Variants in KATNAL2 observed in about 807,000 individuals in gnomAD.
KATNAL2 encodes the protein katanin catalytic subunit A1 like 2.
KATNAL2 carries 52 observed loss-of-function variants against 76.3 expected under a neutral mutation model. That is an observed-to-expected ratio of 0.68 (90% confidence interval 0.55 to 0.86). KATNAL2 has a LOEUF of 0.86. Among genes scored for constraint, KATNAL2 ranks in the 40% least tolerant of loss-of-function variants. The pLI is 0.00. For missense variants in KATNAL2, 660 were observed against 668.9 expected (o/e 0.99, Z 0.15); for synonymous variants, 243 against 244.2 (o/e 1.00, Z 0.05).
intron 3 of KATNAL2, among the ~76,000 whole-genome samples, chr18:47,041,223 A>G (rs2060951410): frequency 6.6e-6 from 1 of 152,108 alleles, no homozygotes; most frequent in Non-Finnish European, 1.5e-5. Flanking sequence ...ACCAAAGTCC[A>G]TTTTACATGA....
chr18:47,063,238 T>C, intron 9 of KATNAL2, 46 bp from the exon 10 acceptor site: 4 of 1,589,568 alleles, frequency 2.5e-6, no homozygotes, highest in Non-Finnish European at 3.4e-6. Context: ...TCTTCCTAAA[T>C]TATGAAGCAA....
intron 1 of KATNAL2, chr18:46,919,946 T>G (rs559562210): frequency 1.6e-6 from 1 of 615,382 alleles, no homozygotes; most frequent in Non-Finnish European, 2.6e-6. Flanking sequence ...TTTCGGGGAA[T>G]AGACGAATAG....
intron 3 of KATNAL2, among the ~76,000 whole-genome samples, chr18:46,949,555 A>G (rs1299464444): frequency 6.6e-6 from 1 of 152,196 alleles, no homozygotes; most frequent in Non-Finnish European, 1.5e-5. Flanking sequence ...CTTAATGCTT[A>G]ACTTTTGAAT....
chr18:47,043,611 G>A (rs959607232), intron 3 of KATNAL2, among the ~76,000 whole-genome samples: 2 of 152,172 alleles, frequency 1.3e-5, no homozygotes, highest in Admixed American at 6.5e-5. Context: ...CCCAGAAAAA[G>A]CATCTATTGC....
chr18:46,941,455 A>G (rs925295993), intron 1 of KATNAL2, among the ~76,000 whole-genome samples: 5 of 151,978 alleles, frequency 3.3e-5, no homozygotes, highest in African/African-American at 9.7e-5. Context: ...ATTGGATTAT[A>G]TTTTTTCAAT....
intron 3 of KATNAL2, among the ~76,000 whole-genome samples, chr18:46,948,547 C>A (rs765811242): frequency 2.7e-4 from 41 of 151,454 alleles, no homozygotes; most frequent in Non-Finnish European, 5.3e-4. Context: ...GCCTCAGCCT[C>A]CCGAGTACCT....
intron 3 of KATNAL2, chr18:47,033,219 G>A (rs145674705): frequency 1.2e-6 from 2 of 1,613,948 alleles, no homozygotes; most frequent in South Asian, 1.1e-5. Context: ...AGGGAGTGTG[G>A]CTGCTTCCCG....
chr18:46,920,256 C>A, intron 1 of KATNAL2: 1 of 412,364 alleles, frequency 2.4e-6, no homozygotes. Flanking sequence ...CTGATTAGTA[C>A]TGAGCATTTA....
At chr18:46,947,029 T>C (rs1386869030) in intron 3 of KATNAL2, 106 bp downstream of exon 3, 2 of 833,410 alleles carry the variant, frequency 2.4e-6, no homozygotes, top group Non-Finnish European at 3.9e-6. Context: ...AGTCCGCTAC[T>C]AGAGAAGCGC....
chr18:46,932,912 G>A lies in KATNAL2; in HGVS notation c.-509-13145G>A, dbSNP rs548213211. Among the ~76,000 whole-genome samples the A allele has an allele frequency of 5.3e-5, 8 of 151,580 alleles. No homozygotes were observed. The East Asian group carries it at 1.6e-3, about 30-fold the overall frequency. ...CCTTAGTAACTGGGATTACAGGCGC[G>A]CTACCATGCCCCACTAATTTTTGTA... On this transcript the variant is annotated intron_variant, in intron 1 of 17. Transcript: ENST00000683218.
chr18:47,101,860 A>G lies in KATNAL2; in HGVS notation c.*855A>G, dbSNP rs891619722. 2 of 152,174 alleles carry G rather than the reference A, an allele frequency of 1.3e-5. No homozygotes were observed. The highest frequency in any genetic ancestry group is 6.5e-5 in the Admixed American group (1 of 15,280). 9.4% of individuals were successfully genotyped at this position (152,174 alleles called of 1,614,324 possible). Reference sequence around the variant, plus strand: ...TCTCCTTAAGGGGTTATAAACAACTAGACGCATCTCTCTCAGAAACCCACA... The same window carrying G: ...TCTCCTTAAGGGGTTATAAACAACTGGACGCATCTCTCTCAGAAACCCACA... On this transcript the variant is annotated 3_prime_UTR_variant, in exon 18 of 18. Transcript: ENST00000683218.
intron 1 of KATNAL2, among the ~76,000 whole-genome samples, chr18:46,926,050 A>G (rs368676364): frequency 6.6e-6 from 1 of 151,882 alleles, no homozygotes; most frequent in Non-Finnish European, 1.5e-5. Context: ...TGGATTCATT[A>G]ATTTTTTGAA....
At chr18:47,071,192 G>A (rs2061985379) in intron 13 of KATNAL2, among the ~76,000 whole-genome samples, 1 of 152,122 alleles carries the variant, frequency 6.6e-6, no homozygotes, top group African/African-American at 2.4e-5. Context: ...TAGAAACCAG[G>A]TTTCACCATG....
chr18:46,933,720 A>G (rs1278026891), intron 1 of KATNAL2, among the ~76,000 whole-genome samples: 2 of 148,124 alleles, frequency 1.4e-5, no homozygotes, highest in East Asian at 2.0e-4. Context: ...TACATGTGCC[A>G]TGTTGGTGTG....
At chr18:46,934,008 TG>T (rs1304124680) in intron 1 of KATNAL2, among the ~76,000 whole-genome samples, 2 of 151,084 alleles carry the variant, frequency 1.3e-5, no homozygotes, top group Admixed American at 1.3e-4. Flanking sequence ...TAGTATTCCA[TG>T]GTGTATATGT....
At chr18:46,948,519 G>A (rs1177198029) in intron 3 of KATNAL2, among the ~76,000 whole-genome samples, 2 of 150,128 alleles carry the variant, frequency 1.3e-5, no homozygotes, top group Non-Finnish European at 3.0e-5. Context: ...CTGCCTCCTG[G>A]TTTCAAGTGA....
chr18:46,932,762 TTTTG>T, intron 1 of KATNAL2, among the ~76,000 whole-genome samples: 1 of 152,094 alleles, frequency 6.6e-6, no homozygotes, highest in Non-Finnish European at 1.5e-5. Flanking sequence ...AAGGTAGTTT[TTTTG>T]TTTGCTTGTT....
chr18:46,938,263 A>G (rs2059149124), intron 1 of KATNAL2, among the ~76,000 whole-genome samples: 1 of 152,204 alleles, frequency 6.6e-6, no homozygotes. Flanking sequence ...CTATATATTC[A>G]TGGATATATA....
intron 6 of KATNAL2, 143 bp from the exon 7 acceptor site, chr18:47,058,092 C>G (rs554939590): frequency 1.6e-6 from 1 of 631,596 alleles, no homozygotes; most frequent in Non-Finnish European, 2.8e-6. Context: ...GGGTGGATCA[C>G]ATAGGTGGAA....
Sources: allele counts gnomAD v4.1 joint callset (sites outside exome capture counted in the v4.1 genomes callset), GRCh38; gene constraint gnomAD v4.1.1; transcripts MANE v1.5; gene names NCBI Gene and HGNC (gene_info 2026-07-23, HGNC 2026-07-21).